The following IGF2R variants were observed in gnomAD, a reference collection of about 807,000 sequenced individuals.
The protein encoded by IGF2R is insulin like growth factor 2 receptor, also known as cation-independent mannose-6-phosphate receptor.
Under a neutral mutation model 270.6 loss-of-function variants are expected in IGF2R, and 91 were observed. The ratio of observed to expected loss-of-function variants is 0.34; its 90% CI spans 0.28 to 0.40. The LOEUF is 0.40. Among genes scored for constraint, IGF2R ranks in the 10% least tolerant of loss-of-function variants. The probability of loss-of-function intolerance (pLI) is 1.00; values close to 1 mark genes in which losing one functional copy is unlikely to be tolerated. For synonymous variants in IGF2R, 1,316 were observed against 1,258.9 expected, an observed-to-expected ratio of 1.05 and a Z score of -0.96; for missense variants, 2,805 against 3,188.3, an observed-to-expected ratio of 0.88 and a Z score of 2.90.
At chr6:159,991,406 A>G (rs756704273) in intron 2 of IGF2R, 83 bp downstream of exon 2, 26 of 1,135,196 alleles carry the variant, frequency 2.3e-5, no homozygotes, top group Non-Finnish European at 2.7e-5. Flanking sequence ...CTATACGTAT[A>G]TAGCGATACA....
intron 45 of IGF2R, among the ~76,000 whole-genome samples, chr6:160,098,315 T>C (rs1327446521): frequency 1.3e-5 from 2 of 152,172 alleles, no homozygotes; most frequent in Non-Finnish European, 2.9e-5. Flanking sequence ...GGTTTCATGA[T>C]GTTCAGAACA....
At chr6:160,090,277 A>T (rs1779190346) in intron 44 of IGF2R, 174 bp downstream of exon 44, 1 of 444,112 alleles carries the variant, frequency 2.3e-6, no homozygotes, top group African/African-American at 2.0e-5. Flanking sequence ...GATACGTGTC[A>T]GAACTAAGCA....
chr6:159,987,929 T>TCA (rs1783913255), intron 1 of IGF2R, among the ~76,000 whole-genome samples: 1 of 152,140 alleles, frequency 6.6e-6, no homozygotes, highest in African/African-American at 2.4e-5. Context: ...AGTGGTTAAA[T>TCA]CACCCCCCTG....
chr6:160,000,578 AT>A (rs1167959008), intron 2 of IGF2R, among the ~76,000 whole-genome samples: 1 of 151,920 alleles, frequency 6.6e-6, no homozygotes, highest in Non-Finnish European at 1.5e-5. Context: ...ATGAGATCTC[AT>A]TTTTCTTTGA....
chr6:160,075,493 G>A lies in IGF2R; in HGVS notation c.5167-354G>A, dbSNP rs191012531. Among the ~76,000 whole-genome samples, 352 of 152,298 alleles carry A rather than the reference G, an allele frequency of 2.3e-3. 2 individuals are homozygous for A. The highest frequency in any genetic ancestry group is 0.014 in the Admixed American group (211 of 15,300). On this transcript the variant is annotated intron_variant, in intron 35 of 47. Coordinates refer to ENST00000356956, the MANE Select transcript of IGF2R (RefSeq NM_000876.4). ...GGGAGGACCGTGTAGCATCCTTAGA[G>A]GTTTTTCAGGTTCCGGGCTTCCCTC...
rs372656081 is a variant in IGF2R at position 160,044,605 on chromosome 6, T to A, written c.1713T>A (p.Asp571Glu). Residue 571 changes from aspartate to glutamate, a missense_variant, in exon 13 of 48, where the codon GAT (aspartate) becomes GAA (glutamate). By Grantham distance (45) the Asp-to-Glu change is conservative (BLOSUM62 2). Coordinates refer to ENST00000356956, the MANE Select transcript of IGF2R (RefSeq NM_000876.4). ...AACTCTCTTATTCAGATGGTGATGA[T>A]TGTGGTCATGGCAAGAAAATTAAAA... ...NIQLSYSDGD[D>E]CGHGKKIKTN... The A allele has an allele frequency of 8.7e-6, 14 of 1,610,896 alleles. No homozygotes were observed. Among genetic ancestry groups the A allele is most frequent in the Non-Finnish European group, 8.5e-6 (10 of 1,178,080 alleles).
chr6:160,079,324 C>G (rs1183941439), intron 37 of IGF2R, among the ~76,000 whole-genome samples: 2 of 152,216 alleles, frequency 1.3e-5, no homozygotes, highest in Non-Finnish European at 2.9e-5. Context: ...ACAGCCAGAG[C>G]AGTGGCTGGC....
chr6:160,060,531 CCTTCTTGCTTTACAGGTA>C lies in IGF2R; in HGVS notation c.3092-14_3095del. On this transcript the variant is annotated splice_acceptor_variant and splice_polypyrimidine_tract_variant and coding_sequence_variant and intron_variant, in exon 23 of 48. Coordinates refer to ENST00000356956, the MANE Select transcript of IGF2R (RefSeq NM_000876.4). LOFTEE classifies it high-confidence loss of function. ...ACTGTTCTGTCTCTTAAAATCTGGGCCTTCTTGCTTTACAGGTACCGCTGATGCTTTTATCGTCCGCTT... is the reference window on the plus strand; with the variant it reads ...ACTGTTCTGTCTCTTAAAATCTGGGCCCGCTGATGCTTTTATCGTCCGCTT... 6.2e-7 allele frequency: 1 copy of C among 1,613,594 alleles called. No homozygotes were observed. The highest frequency in any genetic ancestry group is 8.5e-7 in the Non-Finnish European group (1 of 1,179,540).
In IGF2R at chr6:160,102,463, G is replaced by T; in HGVS notation, c.6843-56G>T. ...TTGGGGACTCAGGTCTCAGGTTGTGGCTGTGGCAGCAGGACCACCCTGTGA... is the reference window on the plus strand; with the variant it reads ...TTGGGGACTCAGGTCTCAGGTTGTGTCTGTGGCAGCAGGACCACCCTGTGA... On this transcript the variant is annotated intron_variant, in intron 45 of 47. Coordinates refer to ENST00000356956, the MANE Select transcript of IGF2R (RefSeq NM_000876.4). The surrounding 1 kb of genome is among the most constrained non-coding windows in gnomAD (Gnocchi z 4.5). The T allele has an allele frequency of 3.8e-6, 6 of 1,578,560 alleles. No individual in the cohort carries two copies. The highest frequency in any genetic ancestry group is 5.2e-6 in the Non-Finnish European group (6 of 1,156,708).
intron 5 of IGF2R, among the ~76,000 whole-genome samples, chr6:160,024,941 T>C (rs949364292): frequency 6.6e-6 from 1 of 152,112 alleles, no homozygotes; most frequent in Non-Finnish European, 1.5e-5. Context: ...ATCCATTCCA[T>C]GTGGGTGTTC....
rs1414301567 is a variant in IGF2R at position 160,089,956 on chromosome 6, A to C, written c.6508A>C (p.Asn2170His). Residue 2170 changes from asparagine (N) to histidine (H), a missense_variant, in exon 44 of 48, where the codon AAC becomes CAC. Asn to His is a moderately conservative substitution (Grantham distance 68, BLOSUM62 1). Around this residue, in one of 2 missense-constraint regions of IGF2R, gnomAD observed 1,851 missense variants for 2,207.2 expected, o/e 0.84. Coordinates refer to ENST00000356956, the MANE Select transcript of IGF2R (RefSeq NM_000876.4). ...ASGDMRTNGD[N>H]YLYEIQLSSI... ...TGGGGACATGAGGACCAATGGGGACAACTACCTGTATGAGATCCAACTTTC... is the reference window on the plus strand; with the variant it reads ...TGGGGACATGAGGACCAATGGGGACCACTACCTGTATGAGATCCAACTTTC... 1 of 1,605,644 alleles carries C rather than the reference A, an allele frequency of 6.2e-7. No homozygotes were observed. Among genetic ancestry groups the C allele is most frequent in the Non-Finnish European group, 8.5e-7 (1 of 1,176,356 alleles).
chr6:160,066,629 T>C (rs934546003), intron 29 of IGF2R, among the ~76,000 whole-genome samples: 1 of 152,132 alleles, frequency 6.6e-6, no homozygotes, highest in African/African-American at 2.4e-5. Context: ...CACTCCACTT[T>C]TTACTGTTTC....
At chr6:160,053,940 A>G (rs941681253) in intron 19 of IGF2R, among the ~76,000 whole-genome samples, 1 of 152,150 alleles carries the variant, frequency 6.6e-6, no homozygotes, top group African/African-American at 2.4e-5. Flanking sequence ...CTGGTCTTAG[A>G]ACTCCTAGGT....
At chr6:160,029,796 G>T in intron 7 of IGF2R, 141 bp downstream of exon 7, 1 of 613,404 alleles carries the variant, frequency 1.6e-6, no homozygotes. Flanking sequence ...GGGTTCTCAG[G>T]AGAAGACAAG....
chr6:160,006,113 C>T (rs1241118022), intron 2 of IGF2R: 2 of 160,100 alleles, frequency 1.2e-5, no homozygotes, highest in African/African-American at 2.4e-5. Flanking sequence ...CTGTACCCTG[C>T]ATGCCCCGTG....
intron 1 of IGF2R, among the ~76,000 whole-genome samples, chr6:159,990,743 C>T (rs889441908): frequency 6.6e-6 from 1 of 152,150 alleles, no homozygotes; most frequent in African/African-American, 2.4e-5. Context: ...AGTTCTCCTG[C>T]CTCACCCTCC....
chr6:160,034,306 C>T lies in IGF2R; in HGVS notation c.1212-113C>T, dbSNP rs1232990838. 1.3e-5 allele frequency: 8 copies of T among 627,262 alleles called. No homozygotes were observed. The Admixed American group carries it at 1.6e-4, about 13-fold the overall frequency. The allele number at this position is 627,262 out of a possible 1,614,324, so 38.9% of individuals were successfully genotyped here. ...GGCTAGAGAGCTTGCTGTTTTAGAT[C>T]CGTAGTGATTTGTTGATGCTACGCA... On this transcript the variant is annotated intron_variant, in intron 9 of 47. Coordinates refer to ENST00000356956, the MANE Select transcript of IGF2R (RefSeq NM_000876.4).
intron 25 of IGF2R, 136 bp from the exon 26 acceptor site, chr6:160,062,396 A>C (rs1351045395): frequency 3.0e-6 from 2 of 668,468 alleles, no homozygotes; most frequent in African/African-American, 3.8e-5. Context: ...CTGATCTTGA[A>C]CTCCTGAACT....
At chr6:160,095,778 A>C (rs1779343000) in intron 44 of IGF2R, 3 of 152,480 alleles carry the variant, frequency 2.0e-5, no homozygotes, top group Non-Finnish European at 4.4e-5. Flanking sequence ...TCATTCACAT[A>C]TCTGCCGTTG....
Sources: allele counts gnomAD v4.1 joint callset (sites outside exome capture counted in the v4.1 genomes callset), GRCh38; gene constraint gnomAD v4.1.1; regional missense constraint gnomAD v4.1.1; non-coding constraint Gnocchi (gnomAD v3.1); transcripts MANE v1.5; gene names NCBI Gene and HGNC (gene_info 2026-07-23, HGNC 2026-07-21).